The following NEO1 variants were observed in gnomAD, a reference collection of about 807,000 sequenced individuals.
The protein encoded by NEO1 is neogenin.
Under a neutral mutation model 159.7 loss-of-function variants are expected in NEO1, and 63 were observed. That is an observed-to-expected ratio of 0.39 (90% confidence interval 0.32 to 0.49). The LOEUF is 0.49. NEO1 is among the 20% of genes least tolerant of loss of function. NEO1 has a pLI of 0.85. For synonymous variants in NEO1, 633 were observed against 662.0 expected (o/e 0.96, Z 0.67); for missense variants, 1,615 against 1,831.0 (o/e 0.88, Z 2.15).
At chr15:73,101,609 T>G (rs2070405713) in intron 1 of NEO1, among the ~76,000 whole-genome samples, 1 of 152,206 alleles carries the variant, frequency 6.6e-6, no homozygotes, top group Non-Finnish European at 1.5e-5. Context: ...TAAAATGGTA[T>G]CATTTTAGGG....
At chr15:73,157,816 A>G (rs1247073937) in intron 5 of NEO1, among the ~76,000 whole-genome samples, 1 of 151,580 alleles carries the variant, frequency 6.6e-6, no homozygotes. Flanking sequence ...ATCTTATCCT[A>G]ACTCTGTTTT....
At chr15:73,102,152 G>A (rs1031381986) in intron 1 of NEO1, among the ~76,000 whole-genome samples, 7 of 152,018 alleles carry the variant, frequency 4.6e-5, no homozygotes, top group African/African-American at 1.7e-4. Context: ...CGGATCATGA[G>A]GTCGGGAGTT....
intron 9 of NEO1, among the ~76,000 whole-genome samples, chr15:73,247,071 A>G (rs2039832893): frequency 6.6e-6 from 1 of 152,224 alleles, no homozygotes; most frequent in African/African-American, 2.4e-5. Context: ...GAGTTTGGCT[A>G]AAAGAAAATA....
At chr15:73,119,810 A>G (rs1420814411) in intron 2 of NEO1, among the ~76,000 whole-genome samples, 2 of 152,220 alleles carry the variant, frequency 1.3e-5, no homozygotes, top group Non-Finnish European at 2.9e-5. Flanking sequence ...AATTTTCATG[A>G]GACCTCAGGA....
intron 7 of NEO1, among the ~76,000 whole-genome samples, chr15:73,235,934 T>C (rs2039146756): frequency 6.6e-6 from 1 of 152,226 alleles, no homozygotes; most frequent in Non-Finnish European, 1.5e-5. Context: ...GTTTGACAGA[T>C]GTTGCATGCT....
chr15:73,215,638 G>C (rs1173079331), intron 7 of NEO1, among the ~76,000 whole-genome samples: 5 of 152,164 alleles, frequency 3.3e-5, no homozygotes, highest in Non-Finnish European at 7.3e-5. Context: ...AAACACACTT[G>C]ATCATGGTGG....
At chr15:73,070,660 G>GT (rs1446399195) in intron 1 of NEO1, among the ~76,000 whole-genome samples, 1 of 152,092 alleles carries the variant, frequency 6.6e-6, no homozygotes, top group Non-Finnish European at 1.5e-5. Context: ...CTATATACCA[G>GT]TTTTTTTCCC....
At chr15:73,053,702 C>T (rs1277230191) in intron 1 of NEO1, among the ~76,000 whole-genome samples, 1 of 152,152 alleles carries the variant, frequency 6.6e-6, no homozygotes, top group Non-Finnish European at 1.5e-5. Flanking sequence ...AAGGACCTTA[C>T]GGTATTGTTG....
chr15:73,087,099 C>T (rs1367233605), intron 1 of NEO1, among the ~76,000 whole-genome samples: 2 of 152,168 alleles, frequency 1.3e-5, no homozygotes, highest in Admixed American at 1.3e-4. Flanking sequence ...GGAGAAAGCA[C>T]TCTGTCTTTT....
intron 5 of NEO1, among the ~76,000 whole-genome samples, chr15:73,175,371 C>T (rs2035223055): frequency 6.6e-6 from 1 of 152,142 alleles, no homozygotes; most frequent in African/African-American, 2.4e-5. Context: ...AGGTATTTAT[C>T]TAACAGAGCA....
chr15:73,258,961 G>A, intron 14 of NEO1, 85 bp downstream of exon 14: 2 of 1,147,538 alleles, frequency 1.7e-6, no homozygotes, highest in South Asian at 1.3e-5. Context: ...CAGACTTGGG[G>A]TGGATATGGC....
At chr15:73,274,825 G>C in intron 21 of NEO1, 101 bp downstream of exon 21, 1 of 1,146,212 alleles carries the variant, frequency 8.7e-7, no homozygotes, top group South Asian at 1.4e-5. Context: ...TGAAAAATCA[G>C]CACCATGTGT....
At chr15:73,299,575 C>T (rs1402855568) in intron 27 of NEO1, among the ~76,000 whole-genome samples, 8 of 152,070 alleles carry the variant, frequency 5.3e-5, no homozygotes, top group East Asian at 1.9e-4. Flanking sequence ...TTAGTAGAGA[C>T]GGGGTTTCAC....
chr15:73,178,461 C>CT, intron 7 of NEO1, 34 bp downstream of exon 7: 1 of 1,609,468 alleles, frequency 6.2e-7, no homozygotes, highest in Non-Finnish European at 8.5e-7. Flanking sequence ...ATGATAGAGG[C>CT]TGTGTGCTTG....
chr15:73,277,242 C>G (rs1178204900), intron 21 of NEO1, among the ~76,000 whole-genome samples: 1 of 152,162 alleles, frequency 6.6e-6, no homozygotes, highest in African/African-American at 2.4e-5. Context: ...ACCTCTTTTT[C>G]AGGAGAAGTA....
At chr15:73,293,873 A>T (rs2042252619) in intron 26 of NEO1, among the ~76,000 whole-genome samples, 1 of 152,188 alleles carries the variant, frequency 6.6e-6, no homozygotes, top group Admixed American at 6.5e-5. Context: ...TTGAAAGGAA[A>T]ACTCATCCTG....
At chr15:73,236,192 T>G (rs1051050866) in intron 7 of NEO1, 155 bp from the exon 8 acceptor site, 9 of 992,100 alleles carry the variant, frequency 9.1e-6, no homozygotes, top group Non-Finnish European at 1.0e-5. Flanking sequence ...ATCGTGGTTT[T>G]GTTTATTTCT....
intron 5 of NEO1, among the ~76,000 whole-genome samples, chr15:73,175,741 G>A (rs2035247425): frequency 6.6e-6 from 1 of 152,192 alleles, no homozygotes; most frequent in African/African-American, 2.4e-5. Flanking sequence ...TGCTGGACTA[G>A]ATCTACTTCA....
intron 5 of NEO1, among the ~76,000 whole-genome samples, chr15:73,154,343 G>A (rs1342229125): frequency 6.6e-6 from 1 of 152,148 alleles, no homozygotes; most frequent in Non-Finnish European, 1.5e-5. Context: ...TATCCTTTGT[G>A]TTACAAACAG....
Sources: allele counts gnomAD v4.1 joint callset (sites outside exome capture counted in the v4.1 genomes callset), GRCh38; gene constraint gnomAD v4.1.1; transcripts MANE v1.5; gene names NCBI Gene and HGNC (gene_info 2026-07-23, HGNC 2026-07-21).